Variants in FDCSP observed in about 807,000 individuals in gnomAD.
FDCSP encodes follicular dendritic cell secreted peptide.
A neutral mutation model predicts 8.9 loss-of-function variants in FDCSP; 8 were observed. The observed-to-expected ratio is 0.90, with a 90% confidence interval of 0.53 to 1.63. The LOEUF (loss-of-function observed/expected upper bound fraction) is 1.63. FDCSP is among the 40% of genes most tolerant of loss of function. FDCSP has a pLI of 0.00. For synonymous variants in FDCSP, 34 were observed against 34.5 expected, an observed-to-expected ratio of 0.98 and a Z score of 0.06; for missense variants, 101 against 103.6, an observed-to-expected ratio of 0.98 and a Z score of 0.11.
intron 3 of FDCSP, 84 bp downstream of exon 3, chr4:70,233,110 A>C: frequency 8.4e-7 from 1 of 1,194,072 alleles, no homozygotes; most frequent in East Asian, 2.5e-5. Flanking sequence ...ATTTATCTAA[A>C]CCTCCCAAAC....
At chr4:70,232,793 A>C (rs1730108546) in intron 2 of FDCSP, among the ~76,000 whole-genome samples, 1 of 151,646 alleles carries the variant, frequency 6.6e-6, no homozygotes, top group African/African-American at 2.4e-5. Context: ...TCTTTGGTGT[A>C]GTGGTGAATT....
At chr4:70,233,255 A>G (rs946002081) in intron 3 of FDCSP, among the ~76,000 whole-genome samples, 2 of 151,652 alleles carry the variant, frequency 1.3e-5, no homozygotes, top group Admixed American at 1.3e-4. Flanking sequence ...TGAAATCCGA[A>G]TCACTCTGTG....
rs1176136360 is a variant in FDCSP at position 70,234,224 on chromosome 4, A to G, written c.*28+9A>G. ...AAGTCACGATAAACCTGGTAAGTAC[A>G]CATAGTTACAATCATAGTTTATTTT... On this transcript the variant is annotated intron_variant, in intron 4 of 4. Transcript: ENST00000317987. The G allele has an allele frequency of 6.5e-7, 1 of 1,542,674 alleles. No individual in the cohort carries two copies. Among genetic ancestry groups the G allele is most frequent in the Admixed American group, 2.0e-5 (1 of 51,248 alleles).
chr4:70,234,277 C>T, intron 4 of FDCSP, 62 bp downstream of exon 4: 2 of 1,357,080 alleles, frequency 1.5e-6, no homozygotes, highest in Admixed American at 2.5e-5. Context: ...TCCATAATTT[C>T]AAGGAAAAAA....
chr4:70,233,923 C>G, intron 3 of FDCSP, 97 bp from the exon 4 acceptor site: 14 of 1,126,868 alleles, frequency 1.2e-5, no homozygotes, highest in Non-Finnish European at 1.8e-5. Flanking sequence ...AAAGCCTCTT[C>G]CTAAAAATAA....
chr4:70,233,822 T>C (rs942197416), intron 3 of FDCSP, among the ~76,000 whole-genome samples, 198 bp from the exon 4 acceptor site: 2 of 151,624 alleles, frequency 1.3e-5, no homozygotes, highest in African/African-American at 2.4e-5. Flanking sequence ...TATAGGAACA[T>C]GAGTATCTCT....
At chr4:70,232,435 T>C (rs912119390) in intron 2 of FDCSP, among the ~76,000 whole-genome samples, 1 of 151,688 alleles carries the variant, frequency 6.6e-6, no homozygotes, top group Non-Finnish European at 1.5e-5. Flanking sequence ...TAATATGCCA[T>C]ACAGTTTTGT....
At chr4:70,232,601 T>C (rs1443036338) in intron 2 of FDCSP, among the ~76,000 whole-genome samples, 2 of 151,598 alleles carry the variant, frequency 1.3e-5, no homozygotes, top group African/African-American at 4.8e-5. Flanking sequence ...TGCATGACTC[T>C]ATATTTTGTC....
chr4:70,231,648 T>C (rs1379445853), intron 2 of FDCSP, among the ~76,000 whole-genome samples: 2 of 151,738 alleles, frequency 1.3e-5, no homozygotes, highest in Non-Finnish European at 3.0e-5. Flanking sequence ...CAGTTCATAA[T>C]AATAAACAAC....
intron 2 of FDCSP, 78 bp from the exon 3 acceptor site, chr4:70,232,916 A>T (rs1730110676): frequency 8.8e-7 from 1 of 1,135,584 alleles, no homozygotes; most frequent in Admixed American, 2.5e-5. Flanking sequence ...TAGGTAATAG[A>T]TTGTCATGCA....
At chr4:70,228,618 A>G (rs1005391924) in intron 1 of FDCSP, among the ~76,000 whole-genome samples, 2 of 151,852 alleles carry the variant, frequency 1.3e-5, no homozygotes, top group African/African-American at 4.8e-5. Context: ...CTATAGCCTT[A>G]CAAAATGTAT....
chr4:70,234,266 A>G, intron 4 of FDCSP, 51 bp downstream of exon 4: 1 of 1,415,806 alleles, frequency 7.1e-7, no homozygotes, highest in East Asian at 2.4e-5. Context: ...GCAGATTGGA[A>G]TCCATAATTT....
rs1302905321 is a variant in FDCSP, at chr4:70,232,977, C to A, written c.58-17C>A. 5 of 1,583,676 alleles carry A rather than the reference C, an allele frequency of 3.2e-6. No individual in the cohort carries two copies. The highest frequency in any genetic ancestry group is 4.3e-6 in the Non-Finnish European group (5 of 1,166,764). ...TCATGAGCATGAGTTTAATTAATTTCACTATTTGATCTTTAGGTCTCTCAA... is the reference window on the plus strand; with the variant it reads ...TCATGAGCATGAGTTTAATTAATTTAACTATTTGATCTTTAGGTCTCTCAA... On this transcript the variant is annotated splice_polypyrimidine_tract_variant and intron_variant, in intron 2 of 4. Transcript: ENST00000317987.
intron 1 of FDCSP, among the ~76,000 whole-genome samples, chr4:70,227,700 G>A (rs868554864): frequency 5.3e-5 from 8 of 151,828 alleles, no homozygotes; most frequent in Middle Eastern, 6.8e-3. Flanking sequence ...TGCAGGTTCA[G>A]TTCTTGACCA....
chr4:70,231,106 T>G, intron 1 of FDCSP, 89 bp from the exon 2 acceptor site: 1 of 1,049,036 alleles, frequency 9.5e-7, no homozygotes, highest in Non-Finnish European at 1.4e-6. Flanking sequence ...TAACTGGATC[T>G]TTTAAATTCA....
At chr4:70,229,383 C>A (rs1000474341) in intron 1 of FDCSP, among the ~76,000 whole-genome samples, 1 of 151,798 alleles carries the variant, frequency 6.6e-6, no homozygotes, top group Admixed American at 6.6e-5. Context: ...AAGACTCTTT[C>A]GCTTTCTTGT....
intron 1 of FDCSP, among the ~76,000 whole-genome samples, chr4:70,227,450 A>G (rs1322304951): frequency 2.6e-5 from 4 of 151,728 alleles, no homozygotes; most frequent in African/African-American, 9.7e-5. Flanking sequence ...CTTTTGTCTC[A>G]TAGATGTATA....
At chr4:70,231,724 A>C (rs924532248) in intron 2 of FDCSP, among the ~76,000 whole-genome samples, 1 of 151,668 alleles carries the variant, frequency 6.6e-6, no homozygotes, top group Non-Finnish European at 1.5e-5. Flanking sequence ...AACTCCTTCT[A>C]CTATTTTTTA....
intron 2 of FDCSP, among the ~76,000 whole-genome samples, chr4:70,232,753 A>G (rs1294279294): frequency 6.6e-6 from 1 of 151,646 alleles, no homozygotes; most frequent in Non-Finnish European, 1.5e-5. Context: ...TAAACCATAT[A>G]CTGTTCAGTG....
Sources: allele counts gnomAD v4.1 joint callset (sites outside exome capture counted in the v4.1 genomes callset), GRCh38; gene constraint gnomAD v4.1.1; transcripts MANE v1.5; gene names NCBI Gene and HGNC (gene_info 2026-07-23, HGNC 2026-07-21).